POC1B: variants seen among roughly 807,000 people sequenced by gnomAD.
The protein encoded by POC1B is POC1 centriolar protein B.
POC1B carries 44 observed loss-of-function variants against 60.6 expected under a neutral mutation model. That is an observed-to-expected ratio of 0.73 (90% confidence interval 0.57 to 0.93). The LOEUF (loss-of-function observed/expected upper bound fraction) is 0.93, where lower values mean the gene tolerates loss of function less well. Among genes scored for constraint, POC1B ranks in the 40% least tolerant of loss-of-function variants. The pLI is 0.00. For synonymous variants in POC1B, 180 were observed against 198.9 expected, an observed-to-expected ratio of 0.90 and a Z score of 0.80; for missense variants, 555 against 572.3, an observed-to-expected ratio of 0.97 and a Z score of 0.31.
chr12:89,477,596 CG>C (rs1452639087), intron 4 of POC1B, among the ~76,000 whole-genome samples: 1 of 152,028 alleles, frequency 6.6e-6, no homozygotes, highest in East Asian at 1.9e-4. Context: ...GCCAGAAACT[CG>C]GGGGTCTGGC....
At chr12:89,524,788 C>G (rs1167636139) in intron 2 of POC1B, 2 of 623,044 alleles carry the variant, frequency 3.2e-6, no homozygotes, top group African/African-American at 3.7e-5. Context: ...CACAACTTTT[C>G]ACAAACTCTC....
chr12:89,411,432 C>T, the POC1B span, among the ~76,000 whole-genome samples: 198 of 152,270 alleles, frequency 1.3e-3, 1 homozygote, highest in East Asian at 4.8e-3. Flanking sequence ...AAATGAAATG[C>T]CCTTGGGAAT....
intron 4 of POC1B, among the ~76,000 whole-genome samples, chr12:89,473,666 G>GAAAAAAAAAAAAAAAAAAAAAAA (rs1163868772): frequency 9.2e-6 from 1 of 109,172 alleles, no homozygotes; most frequent in Non-Finnish European, 1.7e-5. Flanking sequence ...CCTCAGAAAA[G>GAAAAAAAAAAAAAAAAAAAAAAA]AAAAAAAAAA....
chr12:89,467,557 C>A (rs1051955337), intron 8 of POC1B, 60 bp downstream of exon 8: 1 of 1,377,714 alleles, frequency 7.3e-7, no homozygotes, highest in Non-Finnish European at 1.0e-6. Context: ...AAACTCTTAG[C>A]TGAGGTCAAG....
At position 89,471,657 on chromosome 12, in the gene POC1B, T is replaced by C; in HGVS notation, c.633A>G (p.Lys211=). ...ATTTGTTCACTCTTACATCCCAGAC[T>C]TTCACAGTTTGATCAGAACCTGCTG... is the stretch of plus-strand genomic sequence containing the variant. The part of the protein sequence containing the change: ...IASAGSDQTV[K]VWDVRVNKLL... The change falls in exon 6 of 12, where the codon AAA becomes AAG. Residue 211 remains lysine, a synonymous_variant. Transcript: ENST00000313546. 1 of 1,611,882 alleles carries C rather than the reference T, an allele frequency of 6.2e-7. No individual in the cohort carries two copies.
chr12:89,516,598 ACT>A (rs1199200202), intron 2 of POC1B, among the ~76,000 whole-genome samples: 11 of 152,068 alleles, frequency 7.2e-5, no homozygotes, highest in African/African-American at 2.7e-4. Flanking sequence ...AATTTCCACC[ACT>A]CTCAGAACAA....
intron 11 of POC1B, 98 bp from the exon 12 acceptor site, chr12:89,421,355 GC>G (rs752728551): frequency 1.8e-5 from 18 of 994,204 alleles, no homozygotes; most frequent in Middle Eastern, 4.4e-4. Context: ...GAACTGGGAT[GC>G]CCACCCTTCT....
chr12:89,439,726 C>T (rs975088900), intron 10 of POC1B, among the ~76,000 whole-genome samples: 2 of 152,182 alleles, frequency 1.3e-5, no homozygotes, highest in African/African-American at 4.8e-5. Context: ...GCCTCAGCCT[C>T]CTGAGTAGCT....
In POC1B at chr12:89,421,183, C is replaced by T; in HGVS notation, c.1407G>A (p.Lys469=). The T allele has an allele frequency of 6.2e-7, 1 of 1,601,520 alleles. No individual in the cohort carries two copies. Among genetic ancestry groups the T allele is most frequent in the East Asian group, 2.2e-5 (1 of 44,600 alleles). ...TTTTCTGTTGGACAGCACTGAAAAG[C>T]TTTTGCTGATTTTCAAGGCAGTCTT... ...KLKDCLENQQ[K]LFSAVQQKS Residue 469 remains lysine, a synonymous_variant, in exon 12 of 12, where the codon AAG becomes AAA. Coordinates refer to ENST00000313546, the MANE Select transcript of POC1B (RefSeq NM_172240.3).
chr12:89,509,531 G>C (rs1391049467), intron 2 of POC1B, among the ~76,000 whole-genome samples: 1 of 152,174 alleles, frequency 6.6e-6, no homozygotes, highest in Non-Finnish European at 1.5e-5. Context: ...TGGTGTGTCA[G>C]TGAACAGAGC....
chr12:89,457,101 C>CT (rs892479047), intron 10 of POC1B, among the ~76,000 whole-genome samples: 7 of 152,256 alleles, frequency 4.6e-5, no homozygotes, highest in Non-Finnish European at 8.8e-5. Context: ...TTAAACACTA[C>CT]TTTTTTTGGC....
chr12:89,525,855 C>A (rs764659740), intron 1 of POC1B, 26 bp downstream of exon 1: 7 of 844,886 alleles, frequency 8.3e-6, no homozygotes, highest in Admixed American at 4.3e-5. Context: ...AGGGAGGGAC[C>A]CCCCCCACCT....
chr12:89,461,860 G>A (rs1285615787), intron 9 of POC1B: 1 of 152,126 alleles, frequency 6.6e-6, no homozygotes, highest in African/African-American at 2.4e-5. Flanking sequence ...CCAGAGTTGA[G>A]GTAAAGAACA....
intron 10 of POC1B, among the ~76,000 whole-genome samples, chr12:89,445,019 G>T: frequency 6.6e-6 from 1 of 152,074 alleles, no homozygotes; most frequent in Non-Finnish European, 1.5e-5. Flanking sequence ...GCTTCAAAGA[G>T]AATAAAATAC....
the POC1B span, among the ~76,000 whole-genome samples, chr12:89,410,116 TC>T: frequency 6.6e-6 from 1 of 152,164 alleles, no homozygotes; most frequent in East Asian, 1.9e-4. Flanking sequence ...TACGATCAGG[TC>T]TGCTTCATCC....
chr12:89,501,416 A>G (rs2135747515), intron 2 of POC1B: 1 of 1,007,778 alleles, frequency 9.9e-7, no homozygotes, highest in East Asian at 2.4e-5. Context: ...GATGTGGGAC[A>G]GACTAAAGAT....
chr12:89,524,719 T>C, intron 2 of POC1B: 1 of 699,946 alleles, frequency 1.4e-6, no homozygotes, highest in Non-Finnish European at 2.4e-6. Flanking sequence ...CTGAGCCCTC[T>C]CGGTCCTCGG....
intron 10 of POC1B, among the ~76,000 whole-genome samples, chr12:89,439,357 C>T (rs1039348371): frequency 2.0e-5 from 3 of 152,150 alleles, no homozygotes; most frequent in South Asian, 2.1e-4. Context: ...TGTATATATT[C>T]GTCCTCTGCC....
chr12:89,520,833 T>C (rs888929242), intron 2 of POC1B: 3 of 152,196 alleles, frequency 2.0e-5, no homozygotes, highest in Admixed American at 1.3e-4. Flanking sequence ...AGTGAACTAA[T>C]TGAGATTTAA....
Sources: allele counts gnomAD v4.1 joint callset (sites outside exome capture counted in the v4.1 genomes callset), GRCh38; gene constraint gnomAD v4.1.1; transcripts MANE v1.5; gene names NCBI Gene and HGNC (gene_info 2026-07-23, HGNC 2026-07-21).